The following IGLL1 variants were observed in gnomAD, a reference collection of about 807,000 sequenced individuals.
IGLL1 encodes immunoglobulin lambda-like polypeptide 1.
A neutral mutation model predicts 10.5 loss-of-function variants in IGLL1; 10 were observed. That is an observed-to-expected ratio of 0.95 (90% CI 0.59 to 1.62). The LOEUF (loss-of-function observed/expected upper bound fraction) is 1.62. Ranked by LOEUF, IGLL1 falls within the 40% of genes most tolerant of loss-of-function variation. The pLI, the probability that IGLL1 is intolerant of heterozygous loss-of-function variation, is 0.00. For synonymous variants in IGLL1, 141 were observed against 122.7 expected (o/e 1.15, Z -0.99); for missense variants, 284 against 278.7 (o/e 1.02, Z -0.14).
In IGLL1 at chr22:23,580,165, C is replaced by G. The variant is rs764613743; in HGVS notation, c.26G>C (p.Gly9Ala). 1.3e-6 allele frequency: 2 copies of G among 1,544,372 alleles called. No individual in the cohort carries two copies. The highest frequency in any genetic ancestry group is 1.4e-5 in the African/African-American group (1 of 73,420). Reference protein sequence around the residue: MRPGTGQGGLEAPGEPGPN... With the variant: MRPGTGQGALEAPGEPGPN... ...GCCTGGCTCACCAGGGGCCTCAAGG[C>G]CCCCCTGGCCTGTCCCTGGCCTCAT... Residue 9 changes from glycine to alanine, a missense_variant, in exon 1 of 3, where the codon GGC becomes GCC. Gly to Ala is a moderately conservative substitution (Grantham distance 60). Transcript: ENST00000330377.
chr22:23,574,149 C>T lies in IGLL1; in HGVS notation c.323-564G>A, dbSNP rs60849503. Among the ~76,000 whole-genome samples the T allele has an allele frequency of 4.6e-5, 6 of 130,666 alleles. 1 individual carries two copies. Among genetic ancestry groups the T allele is most frequent in the South Asian group, 2.2e-4 (1 of 4,518 alleles). The allele number at this position is 130,666 out of a possible 152,430, so 85.7% of individuals were successfully genotyped here. A position where few individuals can be genotyped will look rare whatever the true frequency, so the allele number is the denominator to read the frequency against. ...TCGGCTGGGTTCTTGGGGCTGCTCC[C>T]CCAGACTTTGGGGCACCGCAGCCCC... On this transcript the variant is annotated intron_variant, in intron 2 of 2. Transcript: ENST00000330377.
chr22:23,577,877 C>T (rs1046130460), intron 1 of IGLL1, among the ~76,000 whole-genome samples: 1 of 147,674 alleles, frequency 6.8e-6, no homozygotes, highest in Non-Finnish European at 1.5e-5. Flanking sequence ...CATATCCCCC[C>T]CAGCATAATA....
intron 1 of IGLL1, among the ~76,000 whole-genome samples, chr22:23,578,471 C>T (rs577747202): frequency 3.9e-5 from 6 of 152,184 alleles, no homozygotes; most frequent in Non-Finnish European, 8.8e-5. Flanking sequence ...ACTCCTTGCT[C>T]AGAAGTCCGT....
chr22:23,578,531 C>T (rs889343157), intron 1 of IGLL1, among the ~76,000 whole-genome samples: 1 of 152,230 alleles, frequency 6.6e-6, no homozygotes, highest in Non-Finnish European at 1.5e-5. Flanking sequence ...GACCCCGCCT[C>T]CATGGCCGGG....
chr22:23,579,568 A>ATAGG (rs148250341), intron 1 of IGLL1, among the ~76,000 whole-genome samples: 3,924 of 148,532 alleles, frequency 0.026, 138 homozygotes, highest in African/African-American at 0.07. Flanking sequence ...GACAGGTGAC[A>ATAGG]TAGGCCAAGG....
chr22:23,574,861 A>G (rs1924976802), intron 2 of IGLL1, 106 bp downstream of exon 2: 1 of 784,372 alleles, frequency 1.3e-6, no homozygotes. Flanking sequence ...GGTAGGGGTC[A>G]GTGCTTAAGG....
Position 23,573,539 on chromosome 22 carries a change from A to C in IGLL1, c.369T>G (p.Ser123=). 1 of 1,613,948 alleles carries C rather than the reference A, an allele frequency of 6.2e-7. No individual in the cohort carries two copies. Among genetic ancestry groups the C allele is most frequent in the Non-Finnish European group, 8.5e-7 (1 of 1,179,856 alleles). ...TPSVTLFPPS[S]EELQANKATL... ...TAGCCTTGTTGGCTTGGAGCTCCTC[A>C]GAGGACGGCGGGAACAGAGTGACCG... The change falls in exon 3 of 3, where the codon TCT becomes TCG. Residue 123 remains serine (S), a synonymous_variant. Coordinates refer to ENST00000330377, the MANE Select transcript of IGLL1 (RefSeq NM_020070.4).
At chr22:23,577,782 C>T (rs1219421615) in intron 1 of IGLL1, among the ~76,000 whole-genome samples, 2 of 152,056 alleles carry the variant, frequency 1.3e-5, no homozygotes, top group Non-Finnish European at 2.9e-5. Flanking sequence ...ACAATCCCGC[C>T]TCAGCCTCCC....
intron 2 of IGLL1, among the ~76,000 whole-genome samples, chr22:23,574,756 T>C (rs1018083319): frequency 1.3e-5 from 2 of 152,156 alleles, no homozygotes; most frequent in East Asian, 1.9e-4. Flanking sequence ...GGCTGTGTCC[T>C]GCTGTTGGAA....
rs1328847853 is a variant in IGLL1, at chr22:23,573,354, T to C, written c.554A>G (p.Gln185Arg). Reference protein sequence around the residue: ...ASSYLSLTPEQWRSRRSYSCQ... With the variant: ...ASSYLSLTPERWRSRRSYSCQ... ...GCTGTAGCTTCTGCGGGACCTCCAC[T>C]GCTCGGGCGTCAGGCTCAGGTAGCT... The change falls in exon 3 of 3, where the codon CAG becomes CGG. Residue 185 changes from glutamine (Q) to arginine (R), a missense_variant. Gln to Arg is a conservative substitution (Grantham distance 43). Transcript: ENST00000330377. The C allele has an allele frequency of 5.6e-6, 9 of 1,614,018 alleles. No homozygotes were observed. Among genetic ancestry groups the C allele is most frequent in the Non-Finnish European group, 7.6e-6 (9 of 1,180,038 alleles).
intron 2 of IGLL1, among the ~76,000 whole-genome samples, chr22:23,574,318 CAGAG>C (rs1248112567): frequency 7.9e-5 from 12 of 152,248 alleles, no homozygotes; most frequent in Middle Eastern, 3.4e-3. Context: ...GACCCATGAA[CAGAG>C]AGACACCAGG....
intron 1 of IGLL1, among the ~76,000 whole-genome samples, chr22:23,579,225 G>A (rs890986286): frequency 1.3e-5 from 2 of 151,812 alleles, no homozygotes; most frequent in Non-Finnish European, 2.9e-5. Context: ...AATGATTATC[G>A]CCTGTGGGTA....
In IGLL1 at chr22:23,573,251, G is replaced by C. The variant is rs755211096; in HGVS notation, c.*15C>G. The C allele has an allele frequency of 7.1e-5, 115 of 1,611,774 alleles. No homozygotes were observed. Among genetic ancestry groups the C allele is most frequent in the Middle Eastern group, 1.7e-4 (1 of 5,988 alleles). On this transcript the variant is annotated 3_prime_UTR_variant, in exon 3 of 3. Transcript: ENST00000330377. ...GCAGCTCCAGGCCCCTTTGGGTGGG[G>C]TCGGGGCTGGGAACCTATGAACATT...
intron 1 of IGLL1, 83 bp downstream of exon 1, chr22:23,579,902 C>A (rs1925252469): frequency 6.0e-6 from 7 of 1,161,850 alleles, no homozygotes; most frequent in Non-Finnish European, 8.5e-6. Context: ...CCTCCTCACC[C>A]CTCTGGCTCG....
chr22:23,580,120 C>T lies in IGLL1; in HGVS notation c.71G>A (p.Trp24Ter), dbSNP rs1192855489. ...GGCCAGACCCAGCAGCAGCAGGGGCCAGCGCTGCCTGAGGTTGGGGCCTGG... is the reference window on the plus strand; with the variant it reads ...GGCCAGACCCAGCAGCAGCAGGGGCTAGCGCTGCCTGAGGTTGGGGCCTGG... ...GEPGPNLRQR[W>*]PLLLLGLAVV... is the part of the protein sequence containing the mutation. The change falls in exon 1 of 3, where the codon TGG becomes TAG. Residue 24 changes from tryptophan to a stop codon, truncating the protein, a stop_gained. Coordinates refer to ENST00000330377, the MANE Select transcript of IGLL1 (RefSeq NM_020070.4). LOFTEE classifies it high-confidence loss of function. The T allele has an allele frequency of 1.9e-6, 3 of 1,565,900 alleles. No individual in the cohort carries two copies. The highest frequency in any genetic ancestry group is 1.9e-5 in the Admixed American group (1 of 52,738).
At chr22:23,578,469 C>A (rs1375565077) in intron 1 of IGLL1, among the ~76,000 whole-genome samples, 1 of 152,174 alleles carries the variant, frequency 6.6e-6, no homozygotes, top group East Asian at 1.9e-4. Context: ...GGACTCCTTG[C>A]TCAGAAGTCC....
chr22:23,579,658 A>G lies in IGLL1; in HGVS notation c.206+327T>C, dbSNP rs368730029. On this transcript the variant is annotated intron_variant, in intron 1 of 2. Coordinates refer to ENST00000330377, the MANE Select transcript of IGLL1 (RefSeq NM_020070.4). ...GCATCCTTCAGGGATAGCGGCCACC[A>G]CTCCTGTGGACGTCCTGCCCCTGCC... Among the ~76,000 whole-genome samples, 18 of 151,098 alleles carry G rather than the reference A, an allele frequency of 1.2e-4. No homozygotes were observed. In the South Asian group the frequency reaches 2.3e-3, roughly 19 times the overall value.
chr22:23,575,685 CCTGT>C (rs1351956284), intron 1 of IGLL1, among the ~76,000 whole-genome samples: 1 of 152,220 alleles, frequency 6.6e-6, no homozygotes, highest in East Asian at 1.9e-4. Context: ...ATAAATCCAT[CCTGT>C]CTACCAGGCA....
intron 1 of IGLL1, among the ~76,000 whole-genome samples, chr22:23,577,533 CTTTTT>C (rs869071437): frequency 3.5e-5 from 4 of 115,048 alleles, no homozygotes; most frequent in African/African-American, 3.6e-5. Flanking sequence ...AATAATCAGT[CTTTTT>C]TTTTTTTTTT....
Sources: gnomAD v4.1 joint callset for allele counts (sites outside exome capture counted in the v4.1 genomes callset) on GRCh38, gnomAD v4.1.1 for gene constraint, MANE v1.5 for transcripts, NCBI Gene and HGNC (gene_info 2026-07-23, HGNC 2026-07-21) for gene names.